Variants in ACSM2B observed in about 807,000 individuals in gnomAD.
The protein encoded by ACSM2B is acyl-CoA synthetase medium chain family member 2B.
Under a neutral mutation model 78.6 loss-of-function variants are expected in ACSM2B, and 58 were observed. The observed-to-expected ratio is 0.74, with a 90% CI of 0.60 to 0.92. The LOEUF is 0.92. Ranked by LOEUF, ACSM2B falls within the 40% of genes least tolerant of loss-of-function variation. The pLI, the probability that ACSM2B is intolerant of heterozygous loss-of-function variation, is 0.00. For synonymous variants in ACSM2B, 257 were observed against 256.8 expected (o/e 1.00, Z -0.01); for missense variants, 688 against 711.2 (o/e 0.97, Z 0.37).
chr16:20,568,953 C>A (rs773764471), intron 1 of ACSM2B, among the ~76,000 whole-genome samples: 9 of 151,684 alleles, frequency 5.9e-5, no homozygotes, highest in Non-Finnish European at 1.3e-4. Flanking sequence ...CTTCTAGATT[C>A]TGAATATTAG....
At chr16:20,538,748 C>T (rs1053728335) in intron 13 of ACSM2B, among the ~76,000 whole-genome samples, 1 of 152,132 alleles carries the variant, frequency 6.6e-6, no homozygotes, top group African/African-American at 2.4e-5. Context: ...CAGCATTATT[C>T]TCATTTTGCA....
intron 9 of ACSM2B, 90 bp downstream of exon 9, chr16:20,546,304 T>A (rs1419256620): frequency 2.0e-6 from 3 of 1,498,842 alleles, no homozygotes; most frequent in Admixed American, 4.0e-5. Context: ...TACTTTCTAT[T>A]ATTTTTGACT....
chr16:20,554,989 A>T (rs2015423984), intron 4 of ACSM2B, among the ~76,000 whole-genome samples: 1 of 152,200 alleles, frequency 6.6e-6, no homozygotes, highest in African/African-American at 2.4e-5. Context: ...ACCTGTGAGG[A>T]CCAGATGCTA....
chr16:20,557,360 C>T (rs1394351526), intron 3 of ACSM2B, among the ~76,000 whole-genome samples: 1 of 151,886 alleles, frequency 6.6e-6, no homozygotes, highest in Admixed American at 6.6e-5. Flanking sequence ...TGTCTGACTT[C>T]TCTCTCTCTC....
chr16:20,562,991 A>G (rs1290362721), intron 2 of ACSM2B, among the ~76,000 whole-genome samples: 2 of 152,110 alleles, frequency 1.3e-5, no homozygotes, highest in Non-Finnish European at 1.5e-5. Flanking sequence ...TCACATCTCT[A>G]TAATTCCATT....
chr16:20,554,047 G>T (rs1431381178), intron 4 of ACSM2B, 127 bp from the exon 5 acceptor site: 8 of 1,219,384 alleles, frequency 6.6e-6, no homozygotes, highest in Non-Finnish European at 9.3e-6. Context: ...CACAAGAGAG[G>T]CTGCTGAGTG....
At chr16:20,548,880 G>T (rs1463867042) in intron 6 of ACSM2B, among the ~76,000 whole-genome samples, 1 of 152,096 alleles carries the variant, frequency 6.6e-6, no homozygotes, top group Non-Finnish European at 1.5e-5. Context: ...CTTTATAATA[G>T]ATTGTTTCCA....
chr16:20,549,710 T>A (rs1188612828), intron 6 of ACSM2B: 1 of 432,818 alleles, frequency 2.3e-6, no homozygotes, highest in Non-Finnish European at 4.6e-6. Flanking sequence ...GTGGTCAGGG[T>A]GCACTTTGGT....
At chr16:20,559,966 T>C (rs1224200031) in intron 2 of ACSM2B, among the ~76,000 whole-genome samples, 1 of 151,118 alleles carries the variant, frequency 6.6e-6, no homozygotes, top group Non-Finnish European at 1.5e-5. Context: ...TAGATTTATT[T>C]ATATATTTAT....
chr16:20,566,081 A>C (rs2015817701), intron 1 of ACSM2B, among the ~76,000 whole-genome samples: 1 of 146,316 alleles, frequency 6.8e-6, no homozygotes, highest in Admixed American at 7.0e-5. Context: ...TATATATACT[A>C]TGTATGTATT....
intron 13 of ACSM2B, among the ~76,000 whole-genome samples, chr16:20,540,226 T>G (rs199970191): frequency 0.12 from 8,441 of 73,088 alleles, 341 homozygotes; most frequent in East Asian, 0.21. Context: ...TTTTTTTTGT[T>G]TTTTTTTTTT....
In ACSM2B at chr16:20,564,800, T is replaced by C. The variant is rs1261117065; in HGVS notation, c.46A>G (p.Thr16Ala). The C allele has an allele frequency of 6.2e-7, 1 of 1,612,934 alleles. No homozygotes were observed. The highest frequency in any genetic ancestry group is 8.5e-7 in the Non-Finnish European group (1 of 1,179,318). ...KVQGLCTLWG[T>A]QMSSRTLYIN... Reference sequence around the variant, plus strand: ...TAGAGAGTGCGGCTGGACATCTGAGTACCCCACAGGGTGCAAAGTCCCTGA... The same window carrying C: ...TAGAGAGTGCGGCTGGACATCTGAGCACCCCACAGGGTGCAAAGTCCCTGA... The change falls in exon 2 of 14, where the codon ACT becomes GCT. Residue 16 changes from threonine (T) to alanine (A), a missense_variant. Physicochemically the swap from Thr to Ala is moderately conservative, Grantham distance 58 (BLOSUM62 0). Transcript: ENST00000329697.
chr16:20,560,790 G>T (rs1440160998), intron 2 of ACSM2B, among the ~76,000 whole-genome samples: 2 of 152,038 alleles, frequency 1.3e-5, no homozygotes, highest in African/African-American at 4.8e-5. Context: ...AACGTCTTAG[G>T]CACTGGTTAA....
At chr16:20,549,245 G>A (rs1285990125) in intron 6 of ACSM2B, among the ~76,000 whole-genome samples, 2 of 152,110 alleles carry the variant, frequency 1.3e-5, no homozygotes, top group African/African-American at 2.4e-5. Flanking sequence ...GTCTTAATCT[G>A]TTTTCTGTTG....
chr16:20,555,196 G>C, intron 4 of ACSM2B, 73 bp downstream of exon 4: 2 of 1,602,992 alleles, frequency 1.2e-6, no homozygotes, highest in Non-Finnish European at 8.5e-7. Context: ...CCTCAATAAA[G>C]CACCTGCACC....
At chr16:20,567,363 A>G (rs1195283858) in intron 1 of ACSM2B, among the ~76,000 whole-genome samples, 4 of 116,892 alleles carry the variant, frequency 3.4e-5, no homozygotes, top group Non-Finnish European at 6.4e-5. Context: ...TATATATTAT[A>G]TATTATATAA....
chr16:20,573,837 T>G (rs1338675872), intron 1 of ACSM2B, among the ~76,000 whole-genome samples: 1 of 151,988 alleles, frequency 6.6e-6, no homozygotes, highest in Non-Finnish European at 1.5e-5. Flanking sequence ...GTCACAAGGA[T>G]CACATGCTTC....
chr16:20,540,582 G>A (rs192219471), intron 13 of ACSM2B, 72 bp downstream of exon 13: 162 of 1,584,984 alleles, frequency 1.0e-4, no homozygotes, highest in Middle Eastern at 3.4e-4. Context: ...TCCTCCTCCT[G>A]AAGAAGATAA....
In ACSM2B at chr16:20,548,436, G is replaced by A; in HGVS notation, c.932C>T (p.Ala311Val). The stretch of plus-strand genomic sequence containing the variant: ...TAGCAACATCCGGTAAACAATAGGG[G>A]CACCCATCATACTCTTGATTGGATA... ...SSYPIKSMMG[A>V]PIVYRMLLQQ... The change falls in exon 7 of 14, where the codon GCC becomes GTC. Residue 311 changes from alanine (A) to valine (V), a missense_variant. Transcript: ENST00000329697. 22 of 1,613,578 alleles carry A rather than the reference G, an allele frequency of 1.4e-5. No homozygotes were observed. Among genetic ancestry groups the A allele is most frequent in the Non-Finnish European group, 1.8e-5 (21 of 1,179,720 alleles).
Sources: allele counts gnomAD v4.1 joint callset (sites outside exome capture counted in the v4.1 genomes callset), GRCh38; gene constraint gnomAD v4.1.1; transcripts MANE v1.5; gene names NCBI Gene and HGNC (gene_info 2026-07-23, HGNC 2026-07-21).